The following PLCL2 variants were observed in gnomAD, a reference collection of about 807,000 sequenced individuals.
PLCL2 encodes inactive phospholipase C-like protein 2.
Under a neutral mutation model 79.6 loss-of-function variants are expected in PLCL2, and 4 were observed. That is an observed-to-expected ratio of 0.05 (90% confidence interval 0.02 to 0.11). The LOEUF is 0.11. PLCL2 is among the 10% of genes least tolerant of loss of function. The probability of loss-of-function intolerance (pLI) is 1.00; values close to 1 mark genes in which losing one functional copy is unlikely to be tolerated. For synonymous variants in PLCL2, 484 were observed against 457.7 expected (o/e 1.06, Z -0.73); for missense variants, 895 against 1,291.0 (o/e 0.69, Z 4.70).
chr3:17,056,698 A>C (rs1434517016), intron 4 of PLCL2, among the ~76,000 whole-genome samples: 1 of 152,202 alleles, frequency 6.6e-6, no homozygotes, highest in Non-Finnish European at 1.5e-5. Flanking sequence ...GTTTCATGAC[A>C]AGTTATTATA....
chr3:16,929,571 G>A (rs1697347043), intron 1 of PLCL2, among the ~76,000 whole-genome samples: 1 of 152,128 alleles, frequency 6.6e-6, no homozygotes, highest in South Asian at 2.1e-4. Context: ...ATTTCTCTGT[G>A]CACAGATAGA....
rs1056882606 is a variant in PLCL2 at position 16,885,436 on chromosome 3, T to G, written c.327+70T>G. The G allele has an allele frequency of 5.7e-5, 31 of 539,560 alleles. No individual in the cohort carries two copies. The African/African-American group carries it at 5.8e-4, about 10-fold the overall frequency. 33.4% of individuals were successfully genotyped at this position (539,560 alleles called of 1,614,324 possible). A position where few individuals can be genotyped will look rare whatever the true frequency, so the allele number is the denominator to read the frequency against. On this transcript the variant is annotated intron_variant, in intron 1 of 5. Transcript: ENST00000615277. Reference sequence around the variant, plus strand: ...GGATTCTATTTTCTCCCTGGGGGAGTGGTGGTGGAAGGAGGAAGCCCACTG... The same window carrying G: ...GGATTCTATTTTCTCCCTGGGGGAGGGGTGGTGGAAGGAGGAAGCCCACTG...
intron 1 of PLCL2, among the ~76,000 whole-genome samples, chr3:17,001,962 A>C (rs1360218466): frequency 6.6e-6 from 1 of 152,000 alleles, no homozygotes; most frequent in Non-Finnish European, 1.5e-5. Flanking sequence ...TAACAATATT[A>C]ATTCTTGTAA....
intron 5 of PLCL2, among the ~76,000 whole-genome samples, chr3:17,075,076 A>C (rs533669326): frequency 6.6e-6 from 1 of 152,216 alleles, no homozygotes; most frequent in Admixed American, 6.5e-5. Context: ...CTTTTGGCTC[A>C]TGTTGGCTTT....
intron 5 of PLCL2, among the ~76,000 whole-genome samples, chr3:17,068,606 A>G (rs2065032382): frequency 2.6e-5 from 4 of 152,226 alleles, no homozygotes; most frequent in Admixed American, 6.5e-5. Context: ...CTATTTTGGC[A>G]TAACAGTTGT....
intron 5 of PLCL2, among the ~76,000 whole-genome samples, chr3:17,085,426 C>T (rs1421028093): frequency 1.4e-5 from 2 of 147,800 alleles, no homozygotes; most frequent in East Asian, 1.9e-4. Context: ...CACACCCAGC[C>T]AATTTATTTC....
chr3:16,925,851 G>A (rs1697236064), intron 1 of PLCL2, among the ~76,000 whole-genome samples: 1 of 152,152 alleles, frequency 6.6e-6, no homozygotes, highest in African/African-American at 2.4e-5. Flanking sequence ...ACAAGTTTTT[G>A]TGTGGATGTA....
chr3:17,043,441 A>T (rs1029397617), intron 4 of PLCL2, among the ~76,000 whole-genome samples: 3 of 152,178 alleles, frequency 2.0e-5, no homozygotes, highest in Non-Finnish European at 2.9e-5. Flanking sequence ...TAACATCCAA[A>T]TGTTATACCA....
intron 1 of PLCL2, among the ~76,000 whole-genome samples, chr3:16,938,170 A>G (rs1481449330): frequency 1.3e-5 from 2 of 152,220 alleles, no homozygotes; most frequent in African/African-American, 4.8e-5. Context: ...GCAGTTAATC[A>G]TGTTTGGTGG....
At chr3:16,941,487 C>T (rs1245246776) in intron 1 of PLCL2, among the ~76,000 whole-genome samples, 1 of 152,150 alleles carries the variant, frequency 6.6e-6, no homozygotes, top group Non-Finnish European at 1.5e-5. Context: ...TCACGACGCC[C>T]CTGTCTACTT....
chr3:16,984,171 A>G (rs1361142067), intron 1 of PLCL2, among the ~76,000 whole-genome samples: 1 of 152,150 alleles, frequency 6.6e-6, no homozygotes, highest in African/African-American at 2.4e-5. Context: ...AGGTGGTGTT[A>G]CTTATTTTTA....
chr3:17,042,930 C>G lies in PLCL2; in HGVS notation c.3075C>G (p.Ile1025Met), dbSNP rs868795372. The part of the protein sequence containing the change: ...IENADAVYEK[I>M]VHCQKAAMEF... ...ATGCAGATGCTGTATATGAAAAGAT[C>G]GTACATTGTCAGAAGGCAGGTAAGT... Residue 1025 changes from isoleucine to methionine, a missense_variant, in exon 4 of 6, where the codon ATC becomes ATG. Physicochemically the swap from Ile to Met is conservative, Grantham distance 10. Transcript: ENST00000615277. 2 of 1,610,114 alleles carry G rather than the reference C, an allele frequency of 1.2e-6. No individual in the cohort carries two copies. Among genetic ancestry groups the G allele is most frequent in the East Asian group, 2.2e-5 (1 of 44,854 alleles).
At chr3:17,080,530 A>G (rs949203484) in intron 5 of PLCL2, among the ~76,000 whole-genome samples, 3 of 152,018 alleles carry the variant, frequency 2.0e-5, no homozygotes, top group African/African-American at 7.3e-5. Context: ...GGCTCACTGC[A>G]ACCTCCACCT....
chr3:17,029,499 C>T (rs569423803), intron 3 of PLCL2, among the ~76,000 whole-genome samples: 8 of 152,188 alleles, frequency 5.3e-5, no homozygotes, highest in Non-Finnish European at 4.4e-5. Flanking sequence ...GGGAACATCC[C>T]TCATATGTGT....
At chr3:17,034,774 A>T (rs1297599509) in intron 3 of PLCL2, among the ~76,000 whole-genome samples, 3 of 152,184 alleles carry the variant, frequency 2.0e-5, no homozygotes, top group African/African-American at 4.8e-5. Context: ...AATTGGTTTC[A>T]TTGTACCTTG....
chr3:17,014,103 A>G (rs2064357401), intron 2 of PLCL2, among the ~76,000 whole-genome samples: 1 of 152,194 alleles, frequency 6.6e-6, no homozygotes, highest in Admixed American at 6.5e-5. Flanking sequence ...GGTGATTAGA[A>G]AAAAGAGAGA....
At chr3:17,073,493 T>C (rs1239411207) in intron 5 of PLCL2, among the ~76,000 whole-genome samples, 1 of 152,196 alleles carries the variant, frequency 6.6e-6, no homozygotes, top group East Asian at 1.9e-4. Flanking sequence ...TGGTGGTTGC[T>C]GAAGGCTGGG....
At chr3:16,991,139 CAGCTG>C (rs2064100761) in intron 1 of PLCL2, among the ~76,000 whole-genome samples, 1 of 152,186 alleles carries the variant, frequency 6.6e-6, no homozygotes, top group African/African-American at 2.4e-5. Context: ...AGTGGGCATC[CAGCTG>C]AGTTGGGATC....
intron 1 of PLCL2, among the ~76,000 whole-genome samples, chr3:16,963,756 G>A (rs1337615143): frequency 6.6e-6 from 1 of 151,764 alleles, no homozygotes; most frequent in Non-Finnish European, 1.5e-5. Context: ...TTGTACAAAT[G>A]AGTTAATTGA....
Sources: gnomAD v4.1 joint callset for allele counts (sites outside exome capture counted in the v4.1 genomes callset) on GRCh38, gnomAD v4.1.1 for gene constraint, MANE v1.5 for transcripts, NCBI Gene and HGNC (gene_info 2026-07-23, HGNC 2026-07-21) for gene names.